Variants in FBN1 observed in about 807,000 individuals in gnomAD.
FBN1 encodes fibrillin-1.
FBN1 carries 29 observed loss-of-function variants against 365.1 expected under a neutral mutation model. That is an observed-to-expected ratio of 0.08 (90% confidence interval 0.06 to 0.11). The LOEUF (loss-of-function observed/expected upper bound fraction) is 0.11, where lower values mean the gene tolerates loss of function less well. Among genes scored for constraint, FBN1 ranks in the 10% least tolerant of loss-of-function variants. FBN1 has a pLI of 1.00. For synonymous variants in FBN1, 1,210 were observed against 1,270.5 expected (o/e 0.95, Z 1.01); for missense variants, 2,476 against 3,703.2 (o/e 0.67, Z 8.60).
chr15:48,416,211 G>A (rs1461324292), intron 63 of FBN1, among the ~76,000 whole-genome samples: 2 of 152,136 alleles, frequency 1.3e-5, no homozygotes, highest in Non-Finnish European at 1.5e-5. Flanking sequence ...AGTGCCCAGC[G>A]AGGAGACAAA....
chr15:48,644,756 C>T lies in FBN1; in HGVS notation c.14G>A (p.Arg5His), dbSNP rs1305871580. ...AAATCCCAGGGCGATCTCCAGCAGA[C>T]GCCCTCGACGCATGATGCCGAGCCG... is the stretch of plus-strand genomic sequence containing the variant. MRRG[R>H]LLEIALGFTV... The change falls in exon 2 of 66, where the codon CGT becomes CAT. Residue 5 changes from arginine (R) to histidine (H), a missense_variant. Transcript: ENST00000316623. 6.2e-7 allele frequency: 1 copy of T among 1,611,348 alleles called. No individual in the cohort carries two copies. Among genetic ancestry groups the T allele is most frequent in the Non-Finnish European group, 8.5e-7 (1 of 1,179,900 alleles).
chr15:48,520,602 A>G, intron 10 of FBN1, 57 bp downstream of exon 10: 1 of 1,602,984 alleles, frequency 6.2e-7, no homozygotes, highest in East Asian at 2.3e-5. Flanking sequence ...GCACATTGCC[A>G]CTGGGCTTGT....
intron 6 of FBN1, 85 bp from the exon 7 acceptor site, chr15:48,537,893 G>C (rs1166284223): frequency 1.7e-5 from 23 of 1,353,438 alleles, no homozygotes; most frequent in Non-Finnish European, 2.4e-5. Flanking sequence ...CATCTTGCTT[G>C]ACTCCAAATT....
At chr15:48,469,666 A>C (rs1354346684) in intron 36 of FBN1, among the ~76,000 whole-genome samples, 2 of 152,030 alleles carry the variant, frequency 1.3e-5, no homozygotes, top group African/African-American at 4.8e-5. Flanking sequence ...TTTTTTGTTC[A>C]AATTGCATGT....
At chr15:48,443,240 C>T (rs558041052) in intron 49 of FBN1, among the ~76,000 whole-genome samples, 2 of 152,194 alleles carry the variant, frequency 1.3e-5, no homozygotes, top group African/African-American at 4.8e-5. Flanking sequence ...CTCCTTCCAC[C>T]CCTATATCCA....
chr15:48,557,488 G>A lies in FBN1; in HGVS notation c.539-19680C>T, dbSNP rs77221256. On this transcript the variant is annotated intron_variant, in intron 6 of 65. Transcript: ENST00000316623. ...TTTCACCTTGGAACACGCTGAGGAT[G>A]GCGTCAAGAAAGCCAGGTTTAAACC... 8.3e-3 allele frequency among the ~76,000 whole-genome samples: 1,257 copies of A among 152,300 alleles called. 15 individuals are homozygous for A. Among genetic ancestry groups the A allele is most frequent in the African/African-American group, 0.029 (1,188 of 41,570 alleles).
intron 6 of FBN1, among the ~76,000 whole-genome samples, chr15:48,595,911 CAT>C (rs2044511732): frequency 6.6e-6 from 1 of 152,146 alleles, no homozygotes; most frequent in Admixed American, 6.5e-5. Context: ...CCTTTCCATA[CAT>C]ATGTTTTGTT....
In FBN1 at chr15:48,434,633, C is replaced by T. The variant is rs201361628; in HGVS notation, c.6577G>A (p.Glu2193Lys). The change falls in exon 54 of 66, where the codon GAG becomes AAG. Residue 2193 changes from glutamate to lysine, a missense_variant. This residue lies in a region of FBN1 where 1,780 missense variants were observed against 2,840.8 expected (regional missense o/e 0.63). Transcript: ENST00000316623. ...NVIGGFECTC[E>K]EGFEPGPMMT... The stretch of plus-strand genomic sequence containing the variant: ...ATTGGACCGGGCTCAAATCCCTCCT[C>T]GCAGGTGCATTCAAAACCTCCAATC... 2.6e-5 allele frequency: 42 copies of T among 1,613,716 alleles called. No individual in the cohort carries two copies. The highest frequency in any genetic ancestry group is 4.5e-5 in the East Asian group (2 of 44,886).
chr15:48,469,971 A>G (rs2043357696), intron 36 of FBN1, among the ~76,000 whole-genome samples: 1 of 152,072 alleles, frequency 6.6e-6, no homozygotes, highest in African/African-American at 2.4e-5. Context: ...TTTTCCGGAA[A>G]TTTGAACTCA....
At chr15:48,450,016 G>A (rs1312225825) in intron 45 of FBN1, among the ~76,000 whole-genome samples, 1 of 152,180 alleles carries the variant, frequency 6.6e-6, no homozygotes, top group Non-Finnish European at 1.5e-5. Context: ...GTGAAGTGGA[G>A]TATATCATTA....
intron 63 of FBN1, chr15:48,416,806 T>C (rs1200973454): frequency 6.6e-6 from 1 of 152,256 alleles, no homozygotes; most frequent in African/African-American, 2.4e-5. Flanking sequence ...TTTTCAGGCA[T>C]ACGTTCATTT....
At chr15:48,530,093 A>T (rs1427481449) in intron 8 of FBN1, among the ~76,000 whole-genome samples, 5 of 98,494 alleles carry the variant, frequency 5.1e-5, no homozygotes, top group Non-Finnish European at 8.5e-5. Flanking sequence ...ACAACTTGAA[A>T]ATGGAGTCTG....
At chr15:48,437,236 G>C in intron 52 of FBN1, 86 bp downstream of exon 52, 2 of 1,351,732 alleles carry the variant, frequency 1.5e-6, no homozygotes, top group Admixed American at 3.6e-5. Flanking sequence ...AATTTTCCAA[G>C]ATAGATGGAG....
At chr15:48,515,143 A>C (rs1298560096) in intron 12 of FBN1, among the ~76,000 whole-genome samples, 1 of 152,216 alleles carries the variant, frequency 6.6e-6, no homozygotes, top group African/African-American at 2.4e-5. Context: ...TAGCTGAAAA[A>C]GGCAAAGAGA....
At chr15:48,524,443 T>A (rs1366350559) in intron 9 of FBN1, among the ~76,000 whole-genome samples, 2 of 152,206 alleles carry the variant, frequency 1.3e-5, no homozygotes, top group African/African-American at 4.8e-5. Context: ...GCTATTTGTA[T>A]TTTCTCATCA....
chr15:48,597,239 A>T (rs1397956188), intron 5 of FBN1, among the ~76,000 whole-genome samples: 3 of 152,164 alleles, frequency 2.0e-5, no homozygotes, highest in African/African-American at 7.2e-5. Flanking sequence ...TGAGCCACTC[A>T]TACTTTCCCT....
intron 15 of FBN1, among the ~76,000 whole-genome samples, chr15:48,506,432 ACAG>A (rs902792545): frequency 2.6e-5 from 4 of 152,202 alleles, no homozygotes; most frequent in African/African-American, 2.4e-5. Context: ...TGTATTTGAA[ACAG>A]CAGTTATATT....
chr15:48,412,208 C>G (rs1353174554), intron 65 of FBN1, among the ~76,000 whole-genome samples: 1 of 152,234 alleles, frequency 6.6e-6, no homozygotes, highest in South Asian at 2.1e-4. Context: ...CTCTAGCTTT[C>G]AGAACTTGGC....
intron 23 of FBN1, among the ~76,000 whole-genome samples, chr15:48,493,333 G>A (rs1237056227): frequency 1.3e-5 from 2 of 152,048 alleles, no homozygotes; most frequent in Non-Finnish European, 2.9e-5. Flanking sequence ...AAAGAGGGGG[G>A]AACATTAGCT....
Sources: allele counts gnomAD v4.1 joint callset (sites outside exome capture counted in the v4.1 genomes callset), GRCh38; gene constraint gnomAD v4.1.1; regional missense constraint gnomAD v4.1.1; transcripts MANE v1.5; gene names NCBI Gene and HGNC (gene_info 2026-07-23, HGNC 2026-07-21).